The following STAC variants were observed in gnomAD, a reference collection of about 807,000 sequenced individuals.
The protein encoded by STAC is SH3 and cysteine rich domain, also known as SH3 and cysteine-rich domain-containing protein.
STAC carries 43 observed loss-of-function variants against 48.8 expected under a neutral mutation model. The observed-to-expected ratio is 0.88, with a 90% CI of 0.69 to 1.14. STAC has a LOEUF of 1.14. Ranked by LOEUF, STAC falls within the 50% of genes most tolerant of loss-of-function variation. The pLI, the probability that STAC is intolerant of heterozygous loss-of-function variation, is 0.00. For missense variants in STAC, 497 were observed against 504.0 expected (o/e 0.99, Z 0.13); for synonymous variants, 193 against 179.5 (o/e 1.07, Z -0.60).
At chr3:36,457,783 C>A (rs1322424176) in intron 2 of STAC, among the ~76,000 whole-genome samples, 3 of 152,122 alleles carry the variant, frequency 2.0e-5, no homozygotes, top group Non-Finnish European at 4.4e-5. Context: ...GCAAAACACA[C>A]AAAAGAGAAG....
At chr3:36,439,557 T>A (rs1696269919) in intron 1 of STAC, among the ~76,000 whole-genome samples, 1 of 152,210 alleles carries the variant, frequency 6.6e-6, no homozygotes. Flanking sequence ...GAGTTGCACA[T>A]CCCATGACAA....
In STAC at chr3:36,443,298, C is replaced by T. The variant is rs1420311061; in HGVS notation, c.112-66C>T. On this transcript the variant is annotated intron_variant, in intron 1 of 10. Coordinates refer to ENST00000273183, the MANE Select transcript of STAC (RefSeq NM_003149.3). This position sits in a 1 kb window ranked among gnomAD's most constrained non-coding sequence, Gnocchi z 4.2. Reference sequence around the variant, plus strand: ...TGTGTAGTGCACACAGCAGACCTTACCCCCACAGCCTAGGTCTGCTTGATC... The same window carrying T: ...TGTGTAGTGCACACAGCAGACCTTATCCCCACAGCCTAGGTCTGCTTGATC... 2.5e-6 allele frequency: 4 copies of T among 1,576,084 alleles called. No homozygotes were observed. The highest frequency in any genetic ancestry group is 1.7e-5 in the Admixed American group (1 of 58,866).
At chr3:36,501,386 G>C (rs1698279570) in intron 6 of STAC, among the ~76,000 whole-genome samples, 1 of 152,042 alleles carries the variant, frequency 6.6e-6, no homozygotes, top group Admixed American at 6.6e-5. Context: ...AATAAATCTT[G>C]AGTGTTTTTT....
chr3:36,471,609 GCT>G (rs1697336511), intron 2 of STAC, among the ~76,000 whole-genome samples: 1 of 152,220 alleles, frequency 6.6e-6, no homozygotes, highest in Admixed American at 6.5e-5. Context: ...GGTAAATATA[GCT>G]GTTCCAGATG....
chr3:36,391,974 T>C (rs1323925216), intron 1 of STAC, among the ~76,000 whole-genome samples: 1 of 152,122 alleles, frequency 6.6e-6, no homozygotes. Flanking sequence ...TCCAAACTGA[T>C]ATCAGGGGAG....
intron 1 of STAC, among the ~76,000 whole-genome samples, chr3:36,424,752 A>T (rs1054180090): frequency 6.6e-6 from 1 of 152,216 alleles, no homozygotes; most frequent in African/African-American, 2.4e-5. Context: ...GGTACCAACT[A>T]AAAGGAGCTC....
At chr3:36,495,821 A>T (rs903297909) in intron 6 of STAC, among the ~76,000 whole-genome samples, 1 of 152,236 alleles carries the variant, frequency 6.6e-6, no homozygotes, top group African/African-American at 2.4e-5. Context: ...CACTACCCTA[A>T]ATGTGGCTCA....
At chr3:36,493,097 A>G (rs1698034846) in intron 5 of STAC, 54 bp from the exon 6 acceptor site, 4 of 1,555,072 alleles carry the variant, frequency 2.6e-6, no homozygotes, top group East Asian at 2.3e-5. Flanking sequence ...TATCTGCTCA[A>G]TTGACCACAG....
chr3:36,440,668 T>C (rs1025242817), intron 1 of STAC, among the ~76,000 whole-genome samples: 36 of 152,192 alleles, frequency 2.4e-4, no homozygotes, highest in African/African-American at 8.4e-4. Context: ...CCACTTTTGA[T>C]AGATTGAGAT....
chr3:36,399,772 A>T (rs907653626), intron 1 of STAC, among the ~76,000 whole-genome samples: 1 of 152,138 alleles, frequency 6.6e-6, no homozygotes, highest in African/African-American at 2.4e-5. Context: ...ACTCATATAC[A>T]TTCAGTTTTT....
At chr3:36,431,516 G>A (rs1700704556) in intron 1 of STAC, among the ~76,000 whole-genome samples, 1 of 152,122 alleles carries the variant, frequency 6.6e-6, no homozygotes, top group East Asian at 1.9e-4. Flanking sequence ...CTCTCTGACA[G>A]GATTCCAGAT....
intron 1 of STAC, among the ~76,000 whole-genome samples, chr3:36,401,838 G>A (rs575801629): frequency 4.6e-5 from 7 of 152,284 alleles, no homozygotes; most frequent in African/African-American, 1.2e-4. Context: ...TCTCATCCAC[G>A]AAGCAGGTCT....
chr3:36,453,284 G>A (rs942978667), intron 2 of STAC, among the ~76,000 whole-genome samples: 1 of 152,246 alleles, frequency 6.6e-6, no homozygotes, highest in Non-Finnish European at 1.5e-5. Context: ...CACTGTGGGG[G>A]CCCCATTCTG....
At chr3:36,403,810 A>G (rs1371438819) in intron 1 of STAC, among the ~76,000 whole-genome samples, 5 of 152,184 alleles carry the variant, frequency 3.3e-5, no homozygotes, top group Admixed American at 3.3e-4. Flanking sequence ...GATTCTGAGC[A>G]GAAAGTCTAT....
rs1696608319 is a variant in STAC at position 36,449,103 on chromosome 3, A to G, written c.388+5463A>G. On this transcript the variant is annotated intron_variant, in intron 2 of 10. Coordinates refer to ENST00000273183, the MANE Select transcript of STAC (RefSeq NM_003149.3). ...CACTGCACTCCAGCCTGGGCAACGG[A>G]GTGAGACTTCATCTCTTAAAAAAAA... is the stretch of plus-strand genomic sequence containing the variant. Among the ~76,000 whole-genome samples the G allele has an allele frequency of 3.3e-5, 5 of 152,076 alleles. No individual in the cohort carries two copies. In the South Asian group the frequency reaches 1.0e-3, roughly 32 times the overall value.
At chr3:36,487,916 A>G (rs1697858485) in intron 5 of STAC, among the ~76,000 whole-genome samples, 1 of 152,168 alleles carries the variant, frequency 6.6e-6, no homozygotes, top group African/African-American at 2.4e-5. Flanking sequence ...TCTTTTACTG[A>G]AAGAAGGATA....
intron 10 of STAC, among the ~76,000 whole-genome samples, chr3:36,538,129 A>G (rs1699241322): frequency 6.6e-6 from 1 of 152,172 alleles, no homozygotes; most frequent in African/African-American, 2.4e-5. Flanking sequence ...CTTTTAATTC[A>G]TATTTTGATA....
At chr3:36,460,884 CA>C (rs1242788825) in intron 2 of STAC, among the ~76,000 whole-genome samples, 2 of 151,994 alleles carry the variant, frequency 1.3e-5, no homozygotes, top group African/African-American at 2.4e-5. Context: ...TAGGAAACCA[CA>C]AAAAAATCCT....
At chr3:36,500,361 T>A (rs148986697) in intron 6 of STAC, among the ~76,000 whole-genome samples, 2 of 152,100 alleles carry the variant, frequency 1.3e-5, no homozygotes, top group Non-Finnish European at 2.9e-5. Context: ...AACCAAACAC[T>A]GCATGTTCTC....
Sources: gnomAD v4.1 joint callset for allele counts (sites outside exome capture counted in the v4.1 genomes callset) on GRCh38, gnomAD v4.1.1 for gene constraint, Gnocchi (gnomAD v3.1) non-coding constraint, MANE v1.5 for transcripts, NCBI Gene and HGNC (gene_info 2026-07-23, HGNC 2026-07-21) for gene names.